VWA5B1: variants seen among roughly 807,000 people sequenced by gnomAD.
The protein encoded by VWA5B1 is von Willebrand factor A domain-containing protein 5B1.
VWA5B1 carries 115 observed loss-of-function variants against 118.2 expected under a neutral mutation model. That is an observed-to-expected ratio of 0.97 (90% confidence interval 0.84 to 1.14). The LOEUF (loss-of-function observed/expected upper bound fraction) is 1.14. Among genes scored for constraint, VWA5B1 ranks in the 50% most tolerant of loss-of-function variants. VWA5B1 has a pLI of 0.00. For synonymous variants in VWA5B1, 682 were observed against 658.4 expected, an observed-to-expected ratio of 1.04 and a Z score of -0.55; for missense variants, 1,596 against 1,603.8, an observed-to-expected ratio of 1.00 and a Z score of 0.08.
Position 20,334,056 on chromosome 1 carries a change from A to G in VWA5B1, c.1758+1105A>G, listed in dbSNP as rs1422899027. 2.0e-5 allele frequency among the ~76,000 whole-genome samples: 3 copies of G among 152,376 alleles called. No individual in the cohort carries two copies. The East Asian group carries it at 5.8e-4, about 29-fold the overall frequency. ...AAACTGGATGGCACACGCCCTGGCT[A>G]AACTGGGCAGCCCCTACGCAGCCCT... On this transcript the variant is annotated intron_variant, in intron 12 of 21. Transcript: ENST00000289815.
At chr1:20,294,711 T>G (rs1481116577) in intron 1 of VWA5B1, among the ~76,000 whole-genome samples, 1 of 152,080 alleles carries the variant, frequency 6.6e-6, no homozygotes, top group African/African-American at 2.4e-5. Context: ...ACCCCCAGCC[T>G]CCCAAGTAGC....
At position 20,343,343 on chromosome 1, in the gene VWA5B1, T is replaced by A; in HGVS notation, c.2576T>A (p.Ile859Asn). The A allele has an allele frequency of 6.5e-7, 1 of 1,541,812 alleles. No individual in the cohort carries two copies. The highest frequency in any genetic ancestry group is 8.7e-7 in the Non-Finnish European group (1 of 1,144,934). ...TTCCACCACCTGGCGGCCCGCGCCATCATCCGCGACTTCGAGCAGCTGGCG... is the reference window on the plus strand; with the variant it reads ...TTCCACCACCTGGCGGCCCGCGCCAACATCCGCGACTTCGAGCAGCTGGCG... The part of the protein sequence containing the change: ...ETFHHLAARA[I>N]IRDFEQLAER... The change falls in exon 16 of 22, where the codon ATC becomes AAC. Residue 859 changes from isoleucine (I) to asparagine (N), a missense_variant. Physicochemically the swap from Ile to Asn is moderately radical, Grantham distance 149. Coordinates refer to ENST00000289815, the MANE Select transcript of VWA5B1 (RefSeq NM_001039500.3).
intron 1 of VWA5B1, among the ~76,000 whole-genome samples, chr1:20,295,451 C>A (rs1400083164): frequency 6.6e-6 from 1 of 152,192 alleles, no homozygotes; most frequent in East Asian, 1.9e-4. Flanking sequence ...AAATTGAAAT[C>A]TCACCTCTTG....
In VWA5B1 at chr1:20,314,374, A is replaced by C; in HGVS notation, c.345A>C (p.Gly115=). 6.4e-7 allele frequency: 1 copy of C among 1,551,996 alleles called. No individual in the cohort carries two copies. Among genetic ancestry groups the C allele is most frequent in the Non-Finnish European group, 8.7e-7 (1 of 1,147,040 alleles). Residue 115 remains glycine (G), a synonymous_variant, in exon 4 of 22, where the codon GGA becomes GGC. Coordinates refer to ENST00000289815, the MANE Select transcript of VWA5B1 (RefSeq NM_001039500.3). ...TAGCCCCTCATTCCTGCACACCGGG[A>C]AAGGTGACCTTGGACGAGGATTTGG... ...VSIAPHSCTP[G]KVTLDEDLER... is the part of the protein sequence containing the mutation.
In VWA5B1 at chr1:20,343,415, C is replaced by G. The variant is rs753029705; in HGVS notation, c.2626+22C>G. The G allele has an allele frequency of 4.0e-5, 59 of 1,486,100 alleles. 1 individual carries two copies. Among genetic ancestry groups the G allele is most frequent in the Non-Finnish European group, 2.7e-6 (3 of 1,119,028 alleles). The allele number at this position is 1,486,100 out of a possible 1,614,324, so 92.1% of individuals were successfully genotyped here. On this transcript the variant is annotated intron_variant, in intron 16 of 21. Transcript: ENST00000289815. The stretch of plus-strand genomic sequence containing the variant: ...CAGGGTGAGCGCCACGGAACTGCGC[C>G]CCTCCCGCGGACGGCCTCCGGAGGA...
At position 20,352,190 on chromosome 1, in the gene VWA5B1, A is replaced by G. The variant is rs1348895159; in HGVS notation, c.3141+18A>G. ...TACCTCTGGTGAGTGCCCTGACCCCAGGTGTCAGTCTCCCTCCGCTCCACT... is the reference window on the plus strand; with the variant it reads ...TACCTCTGGTGAGTGCCCTGACCCCGGGTGTCAGTCTCCCTCCGCTCCACT... On this transcript the variant is annotated intron_variant, in intron 21 of 21. Coordinates refer to ENST00000289815, the MANE Select transcript of VWA5B1 (RefSeq NM_001039500.3). 1 of 1,539,408 alleles carries G rather than the reference A, an allele frequency of 6.5e-7. No individual in the cohort carries two copies. Among genetic ancestry groups the G allele is most frequent in the Non-Finnish European group, 8.8e-7 (1 of 1,138,046 alleles).
intron 3 of VWA5B1, among the ~76,000 whole-genome samples, chr1:20,314,092 C>G (rs1309381128): frequency 1.3e-5 from 2 of 152,048 alleles, no homozygotes; most frequent in Non-Finnish European, 2.9e-5. Context: ...TTTTGTGAGT[C>G]CAAGTTTTCC....
At chr1:20,299,913 T>G (rs1570044470) in intron 1 of VWA5B1, among the ~76,000 whole-genome samples, 1 of 151,896 alleles carries the variant, frequency 6.6e-6, no homozygotes, top group African/African-American at 2.4e-5. Context: ...GCCCTGGGGG[T>G]TTGCCGCAGT....
At position 20,353,747 on chromosome 1, in the gene VWA5B1, C is replaced by G. The variant is rs773912603; in HGVS notation, c.3142-10C>G. ...TTTGAGGCCCACTGAAGGGCTTCCC[C>G]CACACACAGGTGTCTCTGCAGCTGG... On this transcript the variant is annotated splice_polypyrimidine_tract_variant and intron_variant, in intron 21 of 21. Transcript: ENST00000289815. The G allele has an allele frequency of 1.4e-4, 206 of 1,452,624 alleles. No individual in the cohort carries two copies. The highest frequency in any genetic ancestry group is 1.8e-4 in the Non-Finnish European group (194 of 1,099,890). 90.0% of individuals were successfully genotyped at this position (1,452,624 alleles called of 1,614,324 possible).
At chr1:20,304,571 G>A (rs559413936) in intron 1 of VWA5B1, among the ~76,000 whole-genome samples, 9 of 152,178 alleles carry the variant, frequency 5.9e-5, no homozygotes, top group Non-Finnish European at 4.4e-5. Flanking sequence ...GTGTGTGCAC[G>A]TGCGTGCATG....
intron 3 of VWA5B1, among the ~76,000 whole-genome samples, chr1:20,313,501 C>A (rs1260739087): frequency 6.6e-6 from 1 of 152,200 alleles, no homozygotes; most frequent in East Asian, 1.9e-4. Context: ...CTAATGCCTG[C>A]TACTGAGGAA....
At position 20,317,654 on chromosome 1, in the gene VWA5B1, C is replaced by A. The variant is rs375239138; in HGVS notation, c.688C>A (p.Arg230Ser). 1 of 1,551,458 alleles carries A rather than the reference C, an allele frequency of 6.4e-7. No homozygotes were observed. Among genetic ancestry groups the A allele is most frequent in the South Asian group, 1.2e-5 (1 of 84,006 alleles). The change falls in exon 5 of 22, where the codon CGT (arginine) becomes AGT (serine). Residue 230 changes from arginine (R) to serine (S), a missense_variant. By Grantham distance (110) the Arg-to-Ser change is moderately radical. Transcript: ENST00000289815. The part of the protein sequence containing the change: ...EYEFNFQLEI[R>S]GPCLLAGVES... Reference sequence around the variant, plus strand: ...TGAGTTCAACTTCCAGCTGGAGATCCGTGGGCCATGTCTGCTCGCAGGTGA... The same window carrying A: ...TGAGTTCAACTTCCAGCTGGAGATCAGTGGGCCATGTCTGCTCGCAGGTGA...
At chr1:20,344,135 C>T (rs2089958962) in intron 16 of VWA5B1, among the ~76,000 whole-genome samples, 1 of 151,342 alleles carries the variant, frequency 6.6e-6, no homozygotes, top group Non-Finnish European at 1.5e-5. Context: ...CCCTCTTCCC[C>T]CTGCCTCCGA....
At chr1:20,333,066 C>A in intron 12 of VWA5B1, 115 bp downstream of exon 12, 2 of 1,279,902 alleles carry the variant, frequency 1.6e-6, no homozygotes, top group African/African-American at 3.0e-5. Context: ...AGTGGGTTTG[C>A]AGCTGTGGGT....
At chr1:20,298,974 C>A (rs1311881733) in intron 1 of VWA5B1, among the ~76,000 whole-genome samples, 1 of 152,112 alleles carries the variant, frequency 6.6e-6, no homozygotes, top group Non-Finnish European at 1.5e-5. Flanking sequence ...CAGAGTCATC[C>A]CTTCCTAGCT....
At chr1:20,319,671 A>G (rs1473474918) in intron 7 of VWA5B1, among the ~76,000 whole-genome samples, 165 bp downstream of exon 7, 2 of 152,188 alleles carry the variant, frequency 1.3e-5, no homozygotes, top group Non-Finnish European at 2.9e-5. Flanking sequence ...GCCCCCGGGC[A>G]CTGCAGGGCA....
chr1:20,316,087 C>T (rs1461069438), intron 4 of VWA5B1, among the ~76,000 whole-genome samples: 1 of 152,180 alleles, frequency 6.6e-6, no homozygotes, highest in Non-Finnish European at 1.5e-5. Flanking sequence ...CTGTGAATCT[C>T]AAAGGAGCTC....
chr1:20,314,743 C>T (rs968579139), intron 4 of VWA5B1, among the ~76,000 whole-genome samples, 151 bp downstream of exon 4: 1 of 152,014 alleles, frequency 6.6e-6, no homozygotes, highest in African/African-American at 2.4e-5. Context: ...ATTTGCTTCT[C>T]CCCTGCTCAC....
At chr1:20,327,252 C>T (rs908324960) in intron 8 of VWA5B1, among the ~76,000 whole-genome samples, 2 of 152,314 alleles carry the variant, frequency 1.3e-5, no homozygotes, top group Admixed American at 6.5e-5. Flanking sequence ...GTGCCTCAAT[C>T]TTCTCTTCTA....
Sources: gnomAD v4.1 joint callset for allele counts (sites outside exome capture counted in the v4.1 genomes callset) on GRCh38, gnomAD v4.1.1 for gene constraint, MANE v1.5 for transcripts, NCBI Gene and HGNC (gene_info 2026-07-23, HGNC 2026-07-21) for gene names.